The following DIPK1C variants were observed in gnomAD, a reference collection of about 807,000 sequenced individuals.
DIPK1C encodes familial non-conventional Alzheimer's dementia.
DIPK1C carries 33 observed loss-of-function variants against 28.0 expected under a neutral mutation model. The observed-to-expected ratio is 1.18, with a 90% confidence interval of 0.89 to 1.58. The LOEUF is 1.58. DIPK1C is among the 40% of genes most tolerant of loss of function. The probability of loss-of-function intolerance (pLI) is 0.00; values close to 1 mark genes in which losing one functional copy is unlikely to be tolerated. For missense variants in DIPK1C, 569 were observed against 568.5 expected (o/e 1.00, Z -0.01); for synonymous variants, 255 against 248.8 (o/e 1.02, Z -0.23).
chr18:74,463,500 C>G, the DIPK1C span, among the ~76,000 whole-genome samples: 1 of 152,046 alleles, frequency 6.6e-6, no homozygotes, highest in Non-Finnish European at 1.5e-5. Flanking sequence ...AACTGAGACA[C>G]AGCTGCTGGT....
At chr18:74,462,262 C>T (rs1417363639), upstream of DIPK1C, among the ~76,000 whole-genome samples, 1 of 152,212 alleles carries the variant, frequency 6.6e-6, no homozygotes, top group African/African-American at 2.4e-5. Context: ...GCTCCCACTT[C>T]CAGCCCCAGG....
rs201867846 is a variant in DIPK1C at position 74,446,694 on chromosome 18, A to G, written c.788T>C (p.Met263Thr). 4.7e-5 allele frequency: 73 copies of G among 1,537,144 alleles called. No homozygotes were observed. Among genetic ancestry groups the G allele is most frequent in the Admixed American group, 1.2e-4 (6 of 48,006 alleles). Residue 263 changes from methionine to threonine, a missense_variant, in exon 2 of 4, where the codon ATG becomes ACG. Met to Thr is a moderately conservative substitution (Grantham distance 81). Transcript: ENST00000343998. ...ISDIALSFLD[M>T]VNHFDSDFSH... Reference sequence around the variant, plus strand: ...AAAGTCACTGTCAAAATGGTTCACCATGTCCAAGAAGCTGAGTGCGATGTC... The same window carrying G: ...AAAGTCACTGTCAAAATGGTTCACCGTGTCCAAGAAGCTGAGTGCGATGTC...
chr18:74,447,564 G>A lies in DIPK1C; in HGVS notation c.199-281C>T, dbSNP rs901163924. Among the ~76,000 whole-genome samples the A allele has an allele frequency of 6.6e-6, 1 of 152,196 alleles. No individual in the cohort carries two copies. Among genetic ancestry groups the A allele is most frequent in the Non-Finnish European group, 1.5e-5 (1 of 68,036 alleles). The stretch of plus-strand genomic sequence containing the variant: ...CGGCCGGGAAGCACGACTTCCCATC[G>A]TTCAGCTGGGTGACTCCGGGAAAGC... On this transcript the variant is annotated intron_variant, in intron 1 of 3. Coordinates refer to ENST00000343998, the MANE Select transcript of DIPK1C (RefSeq NM_001044369.3). The surrounding 1 kb of genome is among the most constrained non-coding windows in gnomAD (Gnocchi z 4.1).
In DIPK1C at chr18:74,442,112, A is replaced by G; in HGVS notation, c.881T>C (p.Val294Ala). 1.2e-6 allele frequency: 2 copies of G among 1,614,056 alleles called. No individual in the cohort carries two copies. Among genetic ancestry groups the G allele is most frequent in the Non-Finnish European group, 1.7e-6 (2 of 1,179,990 alleles). ...NFAIRSDFTV[V>A]AIDVDMAFFE... ...AAAGGCCATGTCCACATCAATAGCC[A>G]CCACCTGTAATCAAAACAGCACGGG... Residue 294 changes from valine (V) to alanine (A), a missense_variant, in exon 3 of 4, where the codon GTG (valine) becomes GCG (alanine). By Grantham distance (64) the Val-to-Ala change is moderately conservative. Coordinates refer to ENST00000343998, the MANE Select transcript of DIPK1C (RefSeq NM_001044369.3).
At position 74,446,924 on chromosome 18, in the gene DIPK1C, G is replaced by C. The variant is rs914628171; in HGVS notation, c.558C>G (p.Ser186Arg). 7 of 1,502,894 alleles carry C rather than the reference G, an allele frequency of 4.7e-6. No homozygotes were observed. Among genetic ancestry groups the C allele is most frequent in the African/African-American group, 4.2e-5 (3 of 71,946 alleles). The allele number at this position is 1,502,894 out of a possible 1,614,324, so 93.1% of individuals were successfully genotyped here. A position where few individuals can be genotyped will look rare whatever the true frequency, so the allele number is the denominator to read the frequency against. ...CCTCCTGCTGCAGCAGGGCCCACAG[G>C]CTGGCCAGCTGTCCCCGCCAGCGTG... ...RGPRWRGQLA[S>R]LWALLQQEEY... is the part of the protein sequence containing the mutation. Residue 186 changes from serine to arginine, a missense_variant, in exon 2 of 4, where the codon AGC becomes AGG. Ser to Arg is a moderately radical substitution (Grantham distance 110, BLOSUM62 -1). Transcript: ENST00000343998.
At chr18:74,455,293 C>T (rs989469408) in intron 1 of DIPK1C, among the ~76,000 whole-genome samples, 11 of 152,092 alleles carry the variant, frequency 7.2e-5, no homozygotes, top group Admixed American at 5.2e-4. Context: ...AAATGGCATT[C>T]GTTTTCTATC....
chr18:74,448,959 A>G (rs1447410461), intron 1 of DIPK1C, among the ~76,000 whole-genome samples: 3 of 152,156 alleles, frequency 2.0e-5, no homozygotes, highest in Non-Finnish European at 4.4e-5. Flanking sequence ...AAATACAAAA[A>G]TTAGCTGGGC....
At chr18:74,454,797 G>A (rs546045813) in intron 1 of DIPK1C, among the ~76,000 whole-genome samples, 1 of 152,252 alleles carries the variant, frequency 6.6e-6, no homozygotes, top group East Asian at 1.9e-4. Context: ...TCCTGAGAGT[G>A]TCCTGGGTAA....
chr18:74,440,653 T>C (rs1463278837), intron 3 of DIPK1C, among the ~76,000 whole-genome samples: 1 of 152,234 alleles, frequency 6.6e-6, no homozygotes, highest in African/African-American at 2.4e-5. Flanking sequence ...ATTTTCTGTG[T>C]GTTCCTCTTG....
rs112197964 is a variant in DIPK1C, at chr18:74,448,477, G to A, written c.199-1194C>T. On this transcript the variant is annotated intron_variant, in intron 1 of 3. Coordinates refer to ENST00000343998, the MANE Select transcript of DIPK1C (RefSeq NM_001044369.3). ...GTAGCAAAGGGCAGCTTGGTGCTGG[G>A]ACAAAGGATGGGGCCAAGGGCCACT... Among the ~76,000 whole-genome samples the A allele has an allele frequency of 1.4e-3, 210 of 152,296 alleles. 1 individual carries two copies. The Middle Eastern group carries it at 0.024, about 17-fold the overall frequency.
chr18:74,446,807 C>A lies in DIPK1C; in HGVS notation c.675G>T (p.Leu225=). ...SCGHFYAVEF[L]AAGSPHHRAL... ...CCCTGTGGTGGGGGCTGCCCGCGGC[C>A]AGGAACTCCACCGCGTAGAAGTGGC... Residue 225 remains leucine (L), a synonymous_variant, in exon 2 of 4, where the codon CTG becomes CTT. Coordinates refer to ENST00000343998, the MANE Select transcript of DIPK1C (RefSeq NM_001044369.3). 1.3e-6 allele frequency: 2 copies of A among 1,488,842 alleles called. No homozygotes were observed. The highest frequency in any genetic ancestry group is 1.8e-6 in the Non-Finnish European group (2 of 1,115,758). 92.2% of individuals were successfully genotyped at this position (1,488,842 alleles called of 1,614,324 possible). A position where few individuals can be genotyped will look rare whatever the true frequency, so the allele number is the denominator to read the frequency against.
At chr18:74,456,104 A>G (rs1986505447) in intron 1 of DIPK1C, among the ~76,000 whole-genome samples, 1 of 152,252 alleles carries the variant, frequency 6.6e-6, no homozygotes, top group South Asian at 2.1e-4. Context: ...CCAAATGCTT[A>G]GATGGTCACT....
chr18:74,446,713 C>G lies in DIPK1C; in HGVS notation c.769G>C (p.Ala257Pro), dbSNP rs1235254082. Residue 257 changes from alanine (A) to proline (P), a missense_variant, in exon 2 of 4, where the codon GCA becomes CCA. Ala to Pro is a conservative substitution (Grantham distance 27, BLOSUM62 -1). Transcript: ENST00000343998. ...GGQAKAISDI[A>P]LSFLDMVNHF... Reference sequence around the variant, plus strand: ...TTCACCATGTCCAAGAAGCTGAGTGCGATGTCACTGATGGCCTTGGCCTGG... The same window carrying G: ...TTCACCATGTCCAAGAAGCTGAGTGGGATGTCACTGATGGCCTTGGCCTGG... 3 of 1,542,606 alleles carry G rather than the reference C, an allele frequency of 1.9e-6. No homozygotes were observed. In the Admixed American group the frequency reaches 6.1e-5, roughly 31 times the overall value.
chr18:74,461,925 G>T (rs558289079), upstream of DIPK1C, among the ~76,000 whole-genome samples: 22 of 148,522 alleles, frequency 1.5e-4, no homozygotes, highest in Non-Finnish European at 2.8e-4. Flanking sequence ...CCAGCTAATT[G>T]AAAAAAAAAC....
chr18:74,454,296 C>G (rs1986458677), intron 1 of DIPK1C, among the ~76,000 whole-genome samples: 1 of 152,186 alleles, frequency 6.6e-6, no homozygotes, highest in African/African-American at 2.4e-5. Flanking sequence ...GGGAACCTCC[C>G]TGGGGAGGTG....
intron 3 of DIPK1C, among the ~76,000 whole-genome samples, chr18:74,440,921 G>A (rs1986108196): frequency 6.6e-6 from 1 of 152,234 alleles, no homozygotes; most frequent in Non-Finnish European, 1.5e-5. Context: ...TAGGCTTCCT[G>A]AAAGGGGAAT....
intron 2 of DIPK1C, 127 bp downstream of exon 2, chr18:74,446,479 C>G: frequency 1.1e-6 from 1 of 920,828 alleles, no homozygotes; most frequent in Non-Finnish European, 1.5e-6. Context: ...TGGGAGTTCT[C>G]TAAGGCTGCA....
chr18:74,444,620 G>A (rs1291227598), intron 2 of DIPK1C, among the ~76,000 whole-genome samples: 1 of 152,232 alleles, frequency 6.6e-6, no homozygotes, highest in Non-Finnish European at 1.5e-5. Flanking sequence ...GCTCTCTGGT[G>A]AAGCAGATAC....
chr18:74,440,207 G>A (rs941629281), intron 3 of DIPK1C, among the ~76,000 whole-genome samples: 3 of 152,174 alleles, frequency 2.0e-5, no homozygotes, highest in African/African-American at 4.8e-5. Context: ...GCCTCCCAAA[G>A]TGCTAGGATT....
Sources: gnomAD v4.1 joint callset for allele counts (sites outside exome capture counted in the v4.1 genomes callset) on GRCh38, gnomAD v4.1.1 for gene constraint, Gnocchi (gnomAD v3.1) non-coding constraint, MANE v1.5 for transcripts, NCBI Gene and HGNC (gene_info 2026-07-23, HGNC 2026-07-21) for gene names.